The following PRKAR1B variants were observed in gnomAD, a reference collection of about 807,000 sequenced individuals.
The protein encoded by PRKAR1B is protein kinase cAMP-dependent type I regulatory subunit beta, also known as cAMP-dependent protein kinase type I-beta regulatory subunit.
Under a neutral mutation model 46.5 loss-of-function variants are expected in PRKAR1B, and 22 were observed. That is an observed-to-expected ratio of 0.47 (90% CI 0.34 to 0.68). The LOEUF (loss-of-function observed/expected upper bound fraction) is 0.68, where lower values mean the gene tolerates loss of function less well. Ranked by LOEUF, PRKAR1B falls within the 30% of genes least tolerant of loss-of-function variation. The pLI, the probability that PRKAR1B is intolerant of heterozygous loss-of-function variation, is 0.01. For synonymous variants in PRKAR1B, 259 were observed against 217.7 expected, an observed-to-expected ratio of 1.19 and a Z score of -1.67; for missense variants, 445 against 535.6, an observed-to-expected ratio of 0.83 and a Z score of 1.67.
chr7:555,571 T>G (rs1321825589), intron 9 of PRKAR1B, among the ~76,000 whole-genome samples: 1 of 152,196 alleles, frequency 6.6e-6, no homozygotes, highest in East Asian at 1.9e-4. Flanking sequence ...AAACCTCTGC[T>G]GTCTTTCCCT....
chr7:592,252 C>T (rs928326630), intron 7 of PRKAR1B, among the ~76,000 whole-genome samples: 4 of 152,366 alleles, frequency 2.6e-5, no homozygotes, highest in African/African-American at 7.2e-5. Context: ...CGTGGCCTCA[C>T]GTGGACACTG....
At chr7:561,502 G>A (rs1161783751) in intron 9 of PRKAR1B, among the ~76,000 whole-genome samples, 1 of 152,144 alleles carries the variant, frequency 6.6e-6, no homozygotes, top group Admixed American at 6.5e-5. Flanking sequence ...TCCTCGGAGC[G>A]CTCCTGAGCT....
At chr7:633,278 C>T (rs1042706217) in intron 4 of PRKAR1B, among the ~76,000 whole-genome samples, 18 of 152,092 alleles carry the variant, frequency 1.2e-4, no homozygotes, top group African/African-American at 3.9e-4. Flanking sequence ...ACTCCATGTG[C>T]GTATTTGCTT....
At chr7:711,649 T>C in intron 1 of PRKAR1B, 122 bp from the exon 2 acceptor site, 1 of 891,560 alleles carries the variant, frequency 1.1e-6, no homozygotes. Context: ...TGATTCTGCA[T>C]TTGTCAAAGA....
chr7:659,609 A>T (rs1465630862), intron 4 of PRKAR1B, among the ~76,000 whole-genome samples: 1 of 152,184 alleles, frequency 6.6e-6, no homozygotes, highest in East Asian at 1.9e-4. Flanking sequence ...AAACCAGCCC[A>T]GGGAGGAAAC....
intron 9 of PRKAR1B, among the ~76,000 whole-genome samples, chr7:571,838 G>A (rs1246461178): frequency 6.6e-6 from 1 of 152,208 alleles, no homozygotes; most frequent in Admixed American, 6.5e-5. Context: ...TTTCCCGTCC[G>A]CGGTGAGGTG....
chr7:693,384 C>G (rs1220233440), intron 2 of PRKAR1B, among the ~76,000 whole-genome samples: 1 of 152,066 alleles, frequency 6.6e-6, no homozygotes, highest in Non-Finnish European at 1.5e-5. Context: ...CTTTGCAGAC[C>G]CTGTGCCATT....
chr7:606,443 T>C (rs965993222), intron 5 of PRKAR1B, among the ~76,000 whole-genome samples: 2 of 152,218 alleles, frequency 1.3e-5, no homozygotes, highest in Non-Finnish European at 2.9e-5. Context: ...ATTAGTGAAC[T>C]TTCTCTAAAC....
At chr7:662,435 T>C (rs1583379939) in intron 4 of PRKAR1B, among the ~76,000 whole-genome samples, 1 of 79,200 alleles carries the variant, frequency 1.3e-5, no homozygotes, top group African/African-American at 5.4e-5. Flanking sequence ...ATACCTACTC[T>C]CCCCCCAGTG....
At chr7:702,600 GATCA>G (rs2128523078) in intron 2 of PRKAR1B, among the ~76,000 whole-genome samples, 1 of 152,252 alleles carries the variant, frequency 6.6e-6, no homozygotes, top group African/African-American at 2.4e-5. Flanking sequence ...GAGGCAGGCG[GATCA>G]CGAGGTCAGG....
chr7:619,383 T>C (rs1782995769), intron 4 of PRKAR1B, among the ~76,000 whole-genome samples: 1 of 152,204 alleles, frequency 6.6e-6, no homozygotes, highest in Non-Finnish European at 1.5e-5. Flanking sequence ...ACTAACACAG[T>C]GTTTTACGCA....
intron 4 of PRKAR1B, among the ~76,000 whole-genome samples, chr7:642,178 G>A (rs1784423329): frequency 6.6e-6 from 1 of 152,174 alleles, no homozygotes; most frequent in African/African-American, 2.4e-5. Flanking sequence ...TGACAGGCAT[G>A]AGCCACCGCA....
chr7:677,999 G>A (rs779314345), intron 3 of PRKAR1B, among the ~76,000 whole-genome samples: 6 of 152,194 alleles, frequency 3.9e-5, no homozygotes, highest in Admixed American at 6.5e-5. Flanking sequence ...GGCCGGGCAC[G>A]GTGGCTCACG....
chr7:601,003 T>G (rs919378705), intron 6 of PRKAR1B, among the ~76,000 whole-genome samples: 3 of 152,358 alleles, frequency 2.0e-5, no homozygotes, highest in African/African-American at 7.2e-5. Flanking sequence ...TGGCATTTTG[T>G]CACCTGGCCG....
chr7:681,224 C>T (rs1174413791), intron 2 of PRKAR1B, among the ~76,000 whole-genome samples: 1 of 151,592 alleles, frequency 6.6e-6, no homozygotes, highest in Non-Finnish European at 1.5e-5. Flanking sequence ...CCCCCCGAGC[C>T]ATGCAGAACT....
chr7:572,515 G>A (rs1311356168), intron 9 of PRKAR1B, among the ~76,000 whole-genome samples: 2 of 152,092 alleles, frequency 1.3e-5, no homozygotes, highest in Non-Finnish European at 2.9e-5. Flanking sequence ...CTGCAGTGGA[G>A]TTGCCCCCGA....
intron 4 of PRKAR1B, among the ~76,000 whole-genome samples, chr7:620,748 T>G (rs559075096): frequency 7.7e-6 from 1 of 130,004 alleles, no homozygotes; most frequent in African/African-American, 4.4e-5. Flanking sequence ...AAATTCATCT[T>G]CTCTCTACCC....
At chr7:661,362 G>A (rs1362027681) in intron 4 of PRKAR1B, among the ~76,000 whole-genome samples, 1 of 75,262 alleles carries the variant, frequency 1.3e-5, no homozygotes, top group Non-Finnish European at 2.4e-5. Flanking sequence ...CCCCACCATG[G>A]CACAGGTCCC....
intron 8 of PRKAR1B, among the ~76,000 whole-genome samples, chr7:581,463 G>A (rs1448414328): frequency 2.0e-5 from 3 of 152,338 alleles, no homozygotes; most frequent in East Asian, 3.9e-4. Flanking sequence ...TCAGGGTGCA[G>A]AATGAGACCA....
Sources: gnomAD v4.1 joint callset for allele counts (sites outside exome capture counted in the v4.1 genomes callset) on GRCh38, gnomAD v4.1.1 for gene constraint, MANE v1.5 for transcripts, NCBI Gene and HGNC (gene_info 2026-07-23, HGNC 2026-07-21) for gene names.